OTOGL: variants seen among roughly 807,000 people sequenced by gnomAD.
OTOGL encodes otogelin like.
In OTOGL, 285 loss-of-function variants were observed where a neutral mutation model predicts 318.5. The ratio of observed to expected loss-of-function variants is 0.89; its 90% CI spans 0.81 to 0.99. The LOEUF is 0.99. Among genes scored for constraint, OTOGL ranks in the 50% least tolerant of loss-of-function variants. The pLI is 0.00. For synonymous variants in OTOGL, 987 were observed against 936.5 expected (o/e 1.05, Z -0.99); for missense variants, 2,899 against 2,845.6 (o/e 1.02, Z -0.43).
At chr12:80,132,396 G>T (rs927081929) in intron 1 of OTOGL, 7 of 151,976 alleles carry the variant, frequency 4.6e-5, no homozygotes, top group Admixed American at 1.3e-4. Context: ...GTACATATAG[G>T]CTTCATATCT....
At chr12:80,257,587 A>G in intron 17 of OTOGL, among the ~76,000 whole-genome samples, 1 of 152,034 alleles carries the variant, frequency 6.6e-6, no homozygotes, top group East Asian at 1.9e-4. Context: ...ATTGACCTGA[A>G]CAACTACTAA....
chr12:80,309,847 A>T (rs1198887287), intron 29 of OTOGL, among the ~76,000 whole-genome samples: 1 of 152,196 alleles, frequency 6.6e-6, no homozygotes, highest in Non-Finnish European at 1.5e-5. Flanking sequence ...AAATTCAGGA[A>T]GGAGATGTGG....
intron 30 of OTOGL, among the ~76,000 whole-genome samples, 176 bp from the exon 31 acceptor site, chr12:80,313,300 T>G (rs1886757780): frequency 6.6e-6 from 1 of 152,326 alleles, no homozygotes; most frequent in Non-Finnish European, 1.5e-5. Flanking sequence ...GACATTTTCC[T>G]AATACATTTC....
intron 11 of OTOGL, among the ~76,000 whole-genome samples, chr12:80,242,644 T>TTA (rs1315392506): frequency 1.3e-5 from 2 of 152,142 alleles, no homozygotes; most frequent in East Asian, 3.9e-4. Context: ...TGATAGTGTA[T>TTA]TGAATTCAAT....
chr12:80,357,603 C>G (rs1889988635), intron 49 of OTOGL, among the ~76,000 whole-genome samples: 1 of 152,108 alleles, frequency 6.6e-6, no homozygotes, highest in African/African-American at 2.4e-5. Context: ...TGAAGCAGAA[C>G]AGTCAAGCCC....
chr12:80,123,194 C>T (rs1247312674), intron 1 of OTOGL, among the ~76,000 whole-genome samples: 2 of 152,102 alleles, frequency 1.3e-5, no homozygotes, highest in Non-Finnish European at 2.9e-5. Context: ...TTCCCCCACC[C>T]CACAACAGGC....
intron 13 of OTOGL, among the ~76,000 whole-genome samples, chr12:80,252,594 C>T (rs1273442507): frequency 1.3e-5 from 2 of 152,034 alleles, no homozygotes; most frequent in Admixed American, 6.6e-5. Context: ...TTAAAAGTAA[C>T]TTAGCAAGTG....
At position 80,339,766 on chromosome 12, in the gene OTOGL, T is replaced by C. The variant is rs1032903807; in HGVS notation, c.5050+502T>C. On this transcript the variant is annotated intron_variant, in intron 43 of 58. Coordinates refer to ENST00000547103, the MANE Select transcript of OTOGL (RefSeq NM_001378609.3). ...TGAAAGAACATACCATTCAGGATAT[T>C]TGTCCTAGTTTTATTATGAAATGTA... Among the ~76,000 whole-genome samples, 6 of 152,122 alleles carry C rather than the reference T, an allele frequency of 3.9e-5. No homozygotes were observed. The East Asian group carries it at 1.2e-3, about 29-fold the overall frequency.
intron 27 of OTOGL, among the ~76,000 whole-genome samples, chr12:80,299,981 G>T (rs912499617): frequency 6.6e-6 from 1 of 152,138 alleles, no homozygotes; most frequent in Non-Finnish European, 1.5e-5. Flanking sequence ...TAGAAAAGAT[G>T]TGCTTTTGTA....
intron 52 of OTOGL, among the ~76,000 whole-genome samples, chr12:80,362,256 G>A (rs920055670): frequency 1.3e-5 from 2 of 152,096 alleles, no homozygotes; most frequent in African/African-American, 4.8e-5. Context: ...CCTGTTGTTT[G>A]TTCTTGGTAA....
chr12:80,342,119 T>A lies in OTOGL; in HGVS notation c.5222T>A (p.Ile1741Asn). The change falls in exon 44 of 59, where the codon ATT (isoleucine) becomes AAT (asparagine). Residue 1741 changes from isoleucine to asparagine, a missense_variant. Physicochemically the swap from Ile to Asn is moderately radical, Grantham distance 149. This residue lies in a region of OTOGL where 2,607 missense variants were observed against 2,524.9 expected (regional missense o/e 1.03). Transcript: ENST00000547103. ...ACTGAGCATGATTGCAGCCAGTGCA[T>A]TGATTTATTAAATAGAAGAATTTTC... ...NCTEHDCSQCIDLLNRRIFIP... is the reference protein window; with the variant it reads ...NCTEHDCSQCNDLLNRRIFIP... 6.3e-7 allele frequency: 1 copy of A among 1,598,594 alleles called. No homozygotes were observed. The highest frequency in any genetic ancestry group is 1.7e-5 in the Admixed American group (1 of 57,974).
intron 1 of OTOGL, among the ~76,000 whole-genome samples, chr12:80,150,831 A>G (rs911591784): frequency 8.5e-5 from 13 of 152,228 alleles, no homozygotes; most frequent in African/African-American, 3.1e-4. Flanking sequence ...AAAGAAAGGC[A>G]TAGAAAACAA....
intron 1 of OTOGL, among the ~76,000 whole-genome samples, chr12:80,125,005 C>G (rs989415872): frequency 5.9e-5 from 9 of 152,190 alleles, no homozygotes; most frequent in African/African-American, 2.2e-4. Context: ...TTGACTTCCT[C>G]TTTTCCTAAT....
At chr12:80,119,073 T>C (rs186826728) in intron 1 of OTOGL, among the ~76,000 whole-genome samples, 32 of 152,282 alleles carry the variant, frequency 2.1e-4, no homozygotes, top group African/African-American at 7.0e-4. Context: ...TGATTGTTTA[T>C]ATTCTAGAAA....
chr12:80,318,461 G>A, intron 32 of OTOGL, 85 bp from the exon 33 acceptor site: 5 of 966,944 alleles, frequency 5.2e-6, no homozygotes, highest in Non-Finnish European at 6.8e-6. Context: ...GAAGTATTTT[G>A]TTATTAAAAC....
chr12:80,215,421 C>A (rs1324992555), intron 4 of OTOGL, among the ~76,000 whole-genome samples: 7 of 152,056 alleles, frequency 4.6e-5, no homozygotes. Context: ...CCCACCACGG[C>A]CTCCCAAAGT....
chr12:80,158,902 T>C (rs183920849), intron 1 of OTOGL, among the ~76,000 whole-genome samples: 11 of 152,254 alleles, frequency 7.2e-5, no homozygotes, highest in Non-Finnish European at 1.3e-4. Flanking sequence ...GGCATCCTTA[T>C]CCTGTTTCAG....
At position 80,209,420 on chromosome 12, in the gene OTOGL, G is replaced by T; in HGVS notation, c.-12G>T. 2.0e-6 allele frequency: 3 copies of T among 1,471,132 alleles called. No homozygotes were observed. Among genetic ancestry groups the T allele is most frequent in the Non-Finnish European group, 2.7e-6 (3 of 1,106,672 alleles). 91.1% of individuals were successfully genotyped at this position (1,471,132 alleles called of 1,614,324 possible). A position where few individuals can be genotyped will look rare whatever the true frequency, so the allele number is the denominator to read the frequency against. On this transcript the variant is annotated 5_prime_UTR_variant, in exon 2 of 59. In the 5' UTR this introduces an upstream ATG that the reference lacks. Transcript: ENST00000547103. The stretch of plus-strand genomic sequence containing the variant: ...AATTTGGTTACATTTCAGGGGGAAA[G>T]GCTACACTGAAATGAACATTGTAAG...
intron 1 of OTOGL, among the ~76,000 whole-genome samples, chr12:80,114,180 G>A (rs778506377): frequency 5.3e-4 from 80 of 152,222 alleles, no homozygotes; most frequent in Admixed American, 2.5e-3. Context: ...TATTGTGCCC[G>A]TTAGTTGATG....
Sources: gnomAD v4.1 joint callset for allele counts (sites outside exome capture counted in the v4.1 genomes callset) on GRCh38, gnomAD v4.1.1 for gene constraint, gnomAD v4.1.1 regional missense constraint, MANE v1.5 for transcripts, NCBI Gene and HGNC (gene_info 2026-07-23, HGNC 2026-07-21) for gene names.